VAV3: variants seen among roughly 807,000 people sequenced by gnomAD.
VAV3 encodes guanine nucleotide exchange factor VAV3.
A neutral mutation model predicts 131.2 loss-of-function variants in VAV3; 94 were observed. The observed-to-expected ratio is 0.72, with a 90% CI of 0.61 to 0.85. VAV3 has a LOEUF of 0.85. Ranked by LOEUF, VAV3 falls within the 40% of genes least tolerant of loss-of-function variation. The pLI is 0.00. For missense variants in VAV3, 939 were observed against 1,002.7 expected (o/e 0.94, Z 0.86); for synonymous variants, 349 against 342.0 (o/e 1.02, Z -0.22).
intron 24 of VAV3, among the ~76,000 whole-genome samples, chr1:107,596,838 G>C (rs3790678): frequency 0.4 from 60,781 of 152,044 alleles, 12,445 homozygotes; most frequent in South Asian, 0.5. Flanking sequence ...TGGTACTTGA[G>C]ACTGTTTTTA....
At chr1:107,704,466 T>G in intron 17 of VAV3, 84 bp downstream of exon 17, 2 of 999,000 alleles carry the variant, frequency 2.0e-6, no homozygotes, top group Non-Finnish European at 3.1e-6. Context: ...TAAACACATA[T>G]TCAGAGTAAA....
Position 107,608,187 on chromosome 1 carries a change from T to C in VAV3, c.2015+1744A>G, listed in dbSNP as rs181038586. On this transcript the variant is annotated intron_variant, in intron 22 of 26. Coordinates refer to ENST00000370056, the MANE Select transcript of VAV3 (RefSeq NM_006113.5). ...GTCATATTTTCAGTAGGATTTTACA[T>C]ATTGGCAAGGGTGCATTTTAAAACT... Among the ~76,000 whole-genome samples the C allele has an allele frequency of 1.3e-3, 194 of 152,330 alleles. 1 individual carries two copies. Among genetic ancestry groups the C allele is most frequent in the African/African-American group, 4.5e-3 (187 of 41,588 alleles).
intron 15 of VAV3, among the ~76,000 whole-genome samples, chr1:107,716,464 A>G (rs943360998): frequency 6.6e-6 from 1 of 152,156 alleles, no homozygotes; most frequent in African/African-American, 2.4e-5. Context: ...ATTTTGTCAA[A>G]GGCCTTTCCT....
At position 107,603,168 on chromosome 1, in the gene VAV3, A is replaced by T; in HGVS notation, c.2016-5T>A. The T allele has an allele frequency of 6.2e-7, 1 of 1,609,942 alleles. No individual in the cohort carries two copies. The highest frequency in any genetic ancestry group is 8.5e-7 in the Non-Finnish European group (1 of 1,177,138). On this transcript the variant is annotated splice_polypyrimidine_tract_variant and splice_region_variant and intron_variant, in intron 22 of 26. Coordinates refer to ENST00000370056, the MANE Select transcript of VAV3 (RefSeq NM_006113.5). ...CTTTCCATTGCTCCAGCATACCTGT[A>T]AAAAACAATGACACAGAAAATTTGG...
chr1:107,834,491 A>T (rs1455009165), intron 2 of VAV3, among the ~76,000 whole-genome samples: 1 of 152,088 alleles, frequency 6.6e-6, no homozygotes, highest in Non-Finnish European at 1.5e-5. Context: ...TGTCAATTAG[A>T]TCAAGTTATT....
At chr1:107,764,430 T>C (rs1664621681) in intron 9 of VAV3, among the ~76,000 whole-genome samples, 1 of 152,228 alleles carries the variant, frequency 6.6e-6, no homozygotes, top group Non-Finnish European at 1.5e-5. Context: ...AATCCTACCA[T>C]ATTTGTGTTC....
chr1:107,847,500 A>G (rs1669023687), intron 2 of VAV3, among the ~76,000 whole-genome samples: 1 of 152,130 alleles, frequency 6.6e-6, no homozygotes, highest in Admixed American at 6.5e-5. Flanking sequence ...TTTTTTGAAA[A>G]GATTAACAAA....
At chr1:107,589,628 T>C (rs1183458886) in intron 25 of VAV3, among the ~76,000 whole-genome samples, 1 of 152,164 alleles carries the variant, frequency 6.6e-6, no homozygotes, top group Non-Finnish European at 1.5e-5. Flanking sequence ...ACCAATATAA[T>C]GAGATTAAAA....
intron 13 of VAV3, 99 bp downstream of exon 13, chr1:107,751,018 T>C (rs1663687655): frequency 8.5e-7 from 1 of 1,180,450 alleles, no homozygotes; most frequent in African/African-American, 1.6e-5. Flanking sequence ...ATTTCTTCCT[T>C]TTTTCCCCCT....
intron 2 of VAV3, among the ~76,000 whole-genome samples, chr1:107,820,135 A>G (rs1176299077): frequency 1.3e-5 from 2 of 152,208 alleles, no homozygotes; most frequent in Non-Finnish European, 2.9e-5. Flanking sequence ...GGAAATCAGT[A>G]TATCAAAGAG....
intron 21 of VAV3, among the ~76,000 whole-genome samples, chr1:107,614,239 G>A (rs1310919572): frequency 6.6e-6 from 1 of 151,914 alleles, no homozygotes; most frequent in Admixed American, 6.6e-5. Flanking sequence ...TTTATGAACC[G>A]CCTGTGTTTT....
chr1:107,577,528 T>G (rs925078578), intron 25 of VAV3, among the ~76,000 whole-genome samples: 1 of 152,232 alleles, frequency 6.6e-6, no homozygotes, highest in South Asian at 2.1e-4. Flanking sequence ...GGTATAGCCA[T>G]ACAACCAAGT....
intron 25 of VAV3, among the ~76,000 whole-genome samples, chr1:107,581,087 T>G (rs1484177763): frequency 6.6e-6 from 1 of 152,240 alleles, no homozygotes; most frequent in African/African-American, 2.4e-5. Flanking sequence ...CATGTTGTTC[T>G]GGAAGCTTCT....
chr1:107,611,924 T>C (rs1011052835), intron 21 of VAV3, among the ~76,000 whole-genome samples: 4 of 152,242 alleles, frequency 2.6e-5, no homozygotes, highest in Admixed American at 1.3e-4. Context: ...CTGTGTACTA[T>C]GGGTCCTTGT....
chr1:107,654,977 G>A (rs78510461), intron 19 of VAV3, among the ~76,000 whole-genome samples: 1,871 of 152,174 alleles, frequency 0.012, 24 homozygotes, highest in Non-Finnish European at 0.019. Flanking sequence ...GTGCCAAGAA[G>A]TTATAAATCA....
chr1:107,746,812 C>T (rs1663374250), intron 15 of VAV3, among the ~76,000 whole-genome samples: 1 of 152,052 alleles, frequency 6.6e-6, no homozygotes, highest in Admixed American at 6.6e-5. Flanking sequence ...GCAGCTATCT[C>T]AGACTACAAG....
chr1:107,947,678 C>T (rs1674334401), intron 1 of VAV3, among the ~76,000 whole-genome samples: 1 of 152,206 alleles, frequency 6.6e-6, no homozygotes, highest in Non-Finnish European at 1.5e-5. Context: ...CTGGCCAATG[C>T]TAAAGTCCAT....
rs150986952 is a variant in VAV3 at position 107,757,301 on chromosome 1, G to A, written c.1046C>T (p.Thr349Ile). 4 of 1,613,392 alleles carry A rather than the reference G, an allele frequency of 2.5e-6. No individual in the cohort carries two copies. In the African/African-American group the frequency reaches 4.0e-5, roughly 16 times the overall value. Residue 349 changes from threonine to isoleucine, a missense_variant, in exon 11 of 27, where the codon ACT becomes ATT. Transcript: ENST00000370056. ...QELVKHTTDPTEKANLKLALD... is the reference protein window; with the variant it reads ...QELVKHTTDPIEKANLKLALD... ...AGCCAGTTTCAGATTTGCCTTCTCAGTCGGATCAGTGGTATGTTTGACCAG... is the reference window on the plus strand; with the variant it reads ...AGCCAGTTTCAGATTTGCCTTCTCAATCGGATCAGTGGTATGTTTGACCAG...
intron 2 of VAV3, among the ~76,000 whole-genome samples, chr1:107,801,395 TGA>T (rs1481251121): frequency 1.1e-4 from 16 of 152,176 alleles, no homozygotes; most frequent in Non-Finnish European, 4.4e-5. Context: ...TAGATTGCTT[TGA>T]GTAGCACTGT....
Sources: gnomAD v4.1 joint callset for allele counts (sites outside exome capture counted in the v4.1 genomes callset) on GRCh38, gnomAD v4.1.1 for gene constraint, MANE v1.5 for transcripts, NCBI Gene and HGNC (gene_info 2026-07-23, HGNC 2026-07-21) for gene names.